The following SYNJ2 variants were observed in gnomAD, a reference collection of about 807,000 sequenced individuals.
The protein encoded by SYNJ2 is synaptojanin 2, also known as polyphosphatidylinositol phosphatase SYNJ2.
In SYNJ2, 116 loss-of-function variants were observed where a neutral mutation model predicts 141.3. The observed-to-expected ratio is 0.82, with a 90% CI of 0.71 to 0.96. The LOEUF is 0.96. SYNJ2 is among the 40% of genes least tolerant of loss of function. The pLI is 0.00. For missense variants in SYNJ2, 1,873 were observed against 1,934.8 expected (o/e 0.97, Z 0.60); for synonymous variants, 745 against 777.7 (o/e 0.96, Z 0.70).
At position 158,083,603 on chromosome 6, in the gene SYNJ2, T is replaced by C; in HGVS notation, c.3034+6T>C. On this transcript the variant is annotated splice_donor_region_variant and intron_variant, in intron 21 of 26. Transcript: ENST00000355585. ...TTTGGACTATGAGTCAGAAGGTTAGTGACCCTGCAGGGAGGGACAGGCAAG... is the reference window on the plus strand; with the variant it reads ...TTTGGACTATGAGTCAGAAGGTTAGCGACCCTGCAGGGAGGGACAGGCAAG... 1 of 1,614,112 alleles carries C rather than the reference T, an allele frequency of 6.2e-7. No homozygotes were observed. The highest frequency in any genetic ancestry group is 8.5e-7 in the Non-Finnish European group (1 of 1,180,028).
intron 7 of SYNJ2, 156 bp downstream of exon 7, chr6:158,059,509 C>T (rs577752515): frequency 1.2e-5 from 17 of 1,427,146 alleles, no homozygotes; most frequent in Non-Finnish European, 1.6e-5. Context: ...GTGAACACGG[C>T]AGTGCTCAGT....
chr6:158,090,036 C>T (rs1343037164), intron 25 of SYNJ2, 89 bp downstream of exon 25: 5 of 842,070 alleles, frequency 5.9e-6, no homozygotes, highest in Non-Finnish European at 9.8e-6. Context: ...GAAAATAACT[C>T]TTTTTATTCT....
Position 158,083,695 on chromosome 6 carries a change from G to A in SYNJ2, c.3034+98G>A, listed in dbSNP as rs113087361. ...CTAAAGCCTCCCTTGCAGAAGTGAC[G>A]GAGGACACCCGCAGGGCAAGCCCTC... On this transcript the variant is annotated intron_variant, in intron 21 of 26. Transcript: ENST00000355585. 3.7e-4 allele frequency: 549 copies of A among 1,493,718 alleles called. 5 individuals are homozygous for A. The African/African-American group carries it at 6.6e-3, about 18-fold the overall frequency. 92.5% of individuals were successfully genotyped at this position (1,493,718 alleles called of 1,614,324 possible).
At chr6:158,042,613 C>T (rs1310147694) in intron 4 of SYNJ2, among the ~76,000 whole-genome samples, 2 of 152,244 alleles carry the variant, frequency 1.3e-5, no homozygotes, top group Non-Finnish European at 2.9e-5. Context: ...TCATTGGAGG[C>T]CTGCAGGCAC....
rs1782440162 is a variant in SYNJ2 at position 158,078,178 on chromosome 6, C to G, written c.2464C>G (p.Leu822Val). ...CCTGCGAGTAGCTGGAGAACTCAAC[C>G]TTCTAGACAGTGATCTAGATGTTGA... ...PFDKTAGELNLLDSDLDVDTK... is the reference protein window; with the variant it reads ...PFDKTAGELNVLDSDLDVDTK... Residue 822 changes from leucine (L) to valine (V), a missense_variant, in exon 18 of 27, where the codon CTT becomes GTT. Physicochemically the swap from Leu to Val is conservative, Grantham distance 32. Coordinates refer to ENST00000355585, the MANE Select transcript of SYNJ2 (RefSeq NM_003898.4). 1.9e-6 allele frequency: 3 copies of G among 1,612,846 alleles called. No individual in the cohort carries two copies. Among genetic ancestry groups the G allele is most frequent in the Non-Finnish European group, 2.5e-6 (3 of 1,179,030 alleles).
intron 1 of SYNJ2, among the ~76,000 whole-genome samples, chr6:157,998,009 G>A (rs1777699133): frequency 6.6e-6 from 1 of 152,248 alleles, no homozygotes; most frequent in Admixed American, 6.5e-5. Flanking sequence ...GTTGATCAGT[G>A]CAGTGCCTAA....
Position 158,089,857 on chromosome 6 carries a change from A to G in SYNJ2, c.3475A>G (p.Ile1159Val), listed in dbSNP as rs1222483796. 6.2e-7 allele frequency: 1 copy of G among 1,613,878 alleles called. No homozygotes were observed. Among genetic ancestry groups the G allele is most frequent in the Non-Finnish European group, 8.5e-7 (1 of 1,179,948 alleles). Residue 1159 changes from isoleucine to valine, a missense_variant, in exon 25 of 27, where the codon ATA becomes GTA. Physicochemically the swap from Ile to Val is conservative, Grantham distance 29 (BLOSUM62 3). Transcript: ENST00000355585. Reference sequence around the variant, plus strand: ...CCTCAAGCCCAAGGCTCGGACTGGAATAAGTAAACCTTATAATGTCAAGCA... The same window carrying G: ...CCTCAAGCCCAAGGCTCGGACTGGAGTAAGTAAACCTTATAATGTCAAGCA... ...PQQPPKARTGISKPYNVKQIK... is the reference protein window; with the variant it reads ...PQQPPKARTGVSKPYNVKQIK...
intron 9 of SYNJ2, among the ~76,000 whole-genome samples, chr6:158,064,092 G>C (rs987287236): frequency 6.6e-6 from 1 of 152,226 alleles, no homozygotes; most frequent in Non-Finnish European, 1.5e-5. Context: ...ACACCCTCTT[G>C]TGAAATGCAT....
chr6:157,982,022 G>A lies in SYNJ2; in HGVS notation c.61G>A (p.Val21Met). The change falls in exon 1 of 27, where the codon GTG (valine) becomes ATG (methionine). Residue 21 changes from valine (V) to methionine (M), a missense_variant. Coordinates refer to ENST00000355585, the MANE Select transcript of SYNJ2 (RefSeq NM_003898.4). This position sits in a 1 kb window ranked among gnomAD's most constrained non-coding sequence, Gnocchi z 4.0. Reference protein sequence around the residue: ...GRLGAEGDCSVLLEARGRDDC... With the variant: ...GRLGAEGDCSMLLEARGRDDC... ...CCTGGGGGCCGAGGGGGACTGTAGC[G>A]TGCTGCTGGAGGCGCGCGGCCGCGA... The A allele has an allele frequency of 7.5e-7, 1 of 1,334,120 alleles. No homozygotes were observed. Among genetic ancestry groups the A allele is most frequent in the Non-Finnish European group, 9.6e-7 (1 of 1,045,884 alleles). 82.6% of individuals were successfully genotyped at this position (1,334,120 alleles called of 1,614,324 possible).
At chr6:158,067,948 T>C (rs1781666277) in intron 12 of SYNJ2, 2 of 985,070 alleles carry the variant, frequency 2.0e-6, no homozygotes, top group African/African-American at 3.5e-5. Context: ...GTGACTCCTC[T>C]TCTTTTCCCT....
At chr6:157,999,684 G>A (rs1052392301) in intron 1 of SYNJ2, among the ~76,000 whole-genome samples, 2 of 152,220 alleles carry the variant, frequency 1.3e-5, no homozygotes, top group African/African-American at 4.8e-5. Flanking sequence ...ATTGGGGCAG[G>A]TGGTGGGTAA....
intron 1 of SYNJ2, among the ~76,000 whole-genome samples, chr6:157,994,301 C>T (rs1363487693): frequency 1.3e-5 from 2 of 152,238 alleles, no homozygotes; most frequent in Admixed American, 6.5e-5. Context: ...TCAGGTGGAG[C>T]CAGCTGGGCA....
chr6:158,012,040 G>A (rs971526873), intron 1 of SYNJ2, among the ~76,000 whole-genome samples: 13 of 152,196 alleles, frequency 8.5e-5, no homozygotes, highest in African/African-American at 2.7e-4. Flanking sequence ...ATTTGGCAAT[G>A]CACACAGCCT....
At position 157,982,029 on chromosome 6, in the gene SYNJ2, T is replaced by C; in HGVS notation, c.68T>C (p.Leu23Pro). 1 of 1,335,662 alleles carries C rather than the reference T, an allele frequency of 7.5e-7. No individual in the cohort carries two copies. The highest frequency in any genetic ancestry group is 9.6e-7 in the Non-Finnish European group (1 of 1,046,550). 82.7% of individuals were successfully genotyped at this position (1,335,662 alleles called of 1,614,324 possible). A position where few individuals can be genotyped will look rare whatever the true frequency, so the allele number is the denominator to read the frequency against. Reference sequence around the variant, plus strand: ...GCCGAGGGGGACTGTAGCGTGCTGCTGGAGGCGCGCGGCCGCGACGACTGC... The same window carrying C: ...GCCGAGGGGGACTGTAGCGTGCTGCCGGAGGCGCGCGGCCGCGACGACTGC... ...LGAEGDCSVL[L>P]EARGRDDCLL... The change falls in exon 1 of 27, where the codon CTG (leucine) becomes CCG (proline). Residue 23 changes from leucine (L) to proline (P), a missense_variant. Physicochemically the swap from Leu to Pro is moderately conservative, Grantham distance 98. Coordinates refer to ENST00000355585, the MANE Select transcript of SYNJ2 (RefSeq NM_003898.4). The surrounding 1 kb of genome is among the most constrained non-coding windows in gnomAD (Gnocchi z 4.0).
intron 5 of SYNJ2, among the ~76,000 whole-genome samples, chr6:158,045,361 C>T (rs547437803): frequency 1.1e-4 from 16 of 152,142 alleles, no homozygotes; most frequent in Non-Finnish European, 1.8e-4. Flanking sequence ...CCACCCGCCT[C>T]AGCCTCCCAA....
chr6:157,994,577 A>T (rs6906464), intron 1 of SYNJ2, among the ~76,000 whole-genome samples: 56,002 of 152,078 alleles, frequency 0.37, 11,792 homozygotes, highest in African/African-American at 0.59. Flanking sequence ...GCTCAGAACC[A>T]CAGCTGGGTG....
chr6:158,054,884 G>T lies in SYNJ2; in HGVS notation c.796-83G>T, dbSNP rs975202412. 2.1e-6 allele frequency: 3 copies of T among 1,456,140 alleles called. No individual in the cohort carries two copies. In the African/African-American group the frequency reaches 4.2e-5, roughly 20 times the overall value. The allele number at this position is 1,456,140 out of a possible 1,614,324, so 90.2% of individuals were successfully genotyped here. On this transcript the variant is annotated intron_variant, in intron 5 of 26. Coordinates refer to ENST00000355585, the MANE Select transcript of SYNJ2 (RefSeq NM_003898.4). Reference sequence around the variant, plus strand: ...GGTGCCACATGCAGCCTGGCTGGGAGTAAGAAGGAGAATGGGAAAAACCAT... The same window carrying T: ...GGTGCCACATGCAGCCTGGCTGGGATTAAGAAGGAGAATGGGAAAAACCAT...
At chr6:158,093,766 G>A in intron 26 of SYNJ2, 1 of 676,912 alleles carries the variant, frequency 1.5e-6, no homozygotes, top group Non-Finnish European at 2.7e-6. Context: ...TGTGTTGTGT[G>A]CACATGGTTT....
At chr6:158,030,615 G>A (rs369339790) in intron 3 of SYNJ2, 1 of 152,482 alleles carries the variant, frequency 6.6e-6, no homozygotes. Flanking sequence ...ATCAAGGCTG[G>A]GCATGGTAGC....
Sources: allele counts gnomAD v4.1 joint callset (sites outside exome capture counted in the v4.1 genomes callset), GRCh38; gene constraint gnomAD v4.1.1; non-coding constraint Gnocchi (gnomAD v3.1); transcripts MANE v1.5; gene names NCBI Gene and HGNC (gene_info 2026-07-23, HGNC 2026-07-21).